UCKL1: variants seen among roughly 807,000 people sequenced by gnomAD.
UCKL1 encodes the protein uridine-cytidine kinase 1 like 1, also known as uridine-cytidine kinase-like 1.
In UCKL1, 65 loss-of-function variants were observed where a neutral mutation model predicts 59.2. The ratio of observed to expected loss-of-function variants is 1.10; its 90% CI spans 0.90 to 1.35. The LOEUF (loss-of-function observed/expected upper bound fraction) is 1.35, where lower values mean the gene tolerates loss of function less well. Ranked by LOEUF, UCKL1 falls within the 40% of genes most tolerant of loss-of-function variation. UCKL1 has a pLI of 0.00. For missense variants in UCKL1, 703 were observed against 784.3 expected (o/e 0.90, Z 1.24); for synonymous variants, 410 against 323.1 (o/e 1.27, Z -2.88).
intron 1 of UCKL1, among the ~76,000 whole-genome samples, chr20:63,950,562 CAA>C (rs1194994148): frequency 2.0e-5 from 3 of 152,236 alleles, no homozygotes; most frequent in East Asian, 1.9e-4. Context: ...GTAACCAACA[CAA>C]GAGAGACGCG....
At chr20:63,946,766 C>T in intron 1 of UCKL1, 123 bp from the exon 2 acceptor site, 2 of 1,025,998 alleles carry the variant, frequency 1.9e-6, no homozygotes, top group Non-Finnish European at 2.8e-6. Flanking sequence ...GGCGGGCAGG[C>T]TCATTGGGGG....
At chr20:63,952,947 C>A (rs1197758445) in intron 1 of UCKL1, among the ~76,000 whole-genome samples, 1 of 152,248 alleles carries the variant, frequency 6.6e-6, no homozygotes, top group Non-Finnish European at 1.5e-5. Context: ...CTGATGTCAT[C>A]GTCAAGAAAT....
chr20:63,950,864 T>A lies in UCKL1; in HGVS notation c.114-4221A>T. ...GGGTGGGTGCTCCTGAACAGCAGAG[T>A]GGCCCCAGGGGTGGATGCGTGGGGG... is the stretch of plus-strand genomic sequence containing the variant. On this transcript the variant is annotated intron_variant, in intron 1 of 14. Transcript: ENST00000354216. The A allele has an allele frequency of 2.7e-6, 4 of 1,476,510 alleles. No homozygotes were observed. In the South Asian group the frequency reaches 5.5e-5, roughly 20 times the overall value. The allele number at this position is 1,476,510 out of a possible 1,614,324, so 91.5% of individuals were successfully genotyped here.
intron 1 of UCKL1, among the ~76,000 whole-genome samples, 160 bp from the exon 2 acceptor site, chr20:63,946,803 CGTGGT>C (rs2056365379): frequency 6.6e-6 from 1 of 151,966 alleles, no homozygotes; most frequent in Non-Finnish European, 1.5e-5. Context: ...CTGGGCTGGG[CGTGGT>C]GGCTCATGCC....
chr20:63,944,616 T>G lies in UCKL1; in HGVS notation c.773A>C (p.Lys258Thr). 2 of 1,613,172 alleles carry G rather than the reference T, an allele frequency of 1.2e-6. No individual in the cohort carries two copies. Among genetic ancestry groups the G allele is most frequent in the Non-Finnish European group, 1.7e-6 (2 of 1,179,886 alleles). Residue 258 changes from lysine to threonine, a missense_variant, in exon 6 of 15, where the codon AAG becomes ACG. Transcript: ENST00000354216. ...CTGGTCGAAGGAGGGCTTGACAAAC[T>G]TGTTGTACTGCTTGATGACACCCTC... Reference protein sequence around the residue: ...DIEGVIKQYNKFVKPSFDQYI... With the variant: ...DIEGVIKQYNTFVKPSFDQYI...
Position 63,956,305 on chromosome 20 carries a change from G to C in UCKL1, c.68C>G (p.Thr23Arg), listed in dbSNP as rs566937266. 1 of 1,563,986 alleles carries C rather than the reference G, an allele frequency of 6.4e-7. No homozygotes were observed. The highest frequency in any genetic ancestry group is 2.6e-5 in the East Asian group (1 of 38,344). The change falls in exon 1 of 15, where the codon ACA becomes AGA. Residue 23 changes from threonine to arginine, a missense_variant. Physicochemically the swap from Thr to Arg is moderately conservative, Grantham distance 71 (BLOSUM62 -1). Around this residue, in one of 4 missense-constraint regions of UCKL1, gnomAD observed 398 missense variants for 373.0 expected, o/e 1.07. Transcript: ENST00000354216. ...GCTTTTCTCAGCCTGCCGGCCTGGT[G>C]TGTCTCGGGCCGTAGGTGGCGACGT... Reference protein sequence around the residue: ...SPTSPPTARDTPGRQAEKSET... With the variant: ...SPTSPPTARDRPGRQAEKSET...
At chr20:63,941,968 C>T (rs1005050003) in intron 8 of UCKL1, among the ~76,000 whole-genome samples, 2 of 149,554 alleles carry the variant, frequency 1.3e-5, no homozygotes, top group Non-Finnish European at 3.0e-5. Flanking sequence ...TTGGGTGTGG[C>T]AGGGCAGAAA....
At chr20:63,951,098 T>C in intron 1 of UCKL1, 1 of 1,171,168 alleles carries the variant, frequency 8.5e-7, no homozygotes, top group East Asian at 4.0e-5. Flanking sequence ...GCACAGCAGC[T>C]AGGAGGCCCT....
Position 63,945,962 on chromosome 20 carries a change from T to C in UCKL1, c.425A>G (p.Gln142Arg). 1 of 1,613,808 alleles carries C rather than the reference T, an allele frequency of 6.2e-7. No homozygotes were observed. Among genetic ancestry groups the C allele is most frequent in the Non-Finnish European group, 8.5e-7 (1 of 1,179,974 alleles). Residue 142 changes from glutamine to arginine, a missense_variant, in exon 4 of 15, where the codon CAG (glutamine) becomes CGG (arginine). Transcript: ENST00000354216. ...GTTGTGTGCGGCCTGTTCCTGCTGC[T>C]GCTCAGTCAGCACCTGGTGGGGGAG... ...MDSFYKVLTE[Q>R]QQEQAAHNNF...
At chr20:63,952,220 G>T (rs1421889481) in intron 1 of UCKL1, among the ~76,000 whole-genome samples, 1 of 152,224 alleles carries the variant, frequency 6.6e-6, no homozygotes. Flanking sequence ...CCGGGCTCCT[G>T]GGGGCCATGC....
At chr20:63,942,447 G>T in intron 8 of UCKL1, 1 of 1,174,036 alleles carries the variant, frequency 8.5e-7, no homozygotes, top group Non-Finnish European at 1.1e-6. Context: ...TCACACAGCA[G>T]CACCACGGAG....
intron 3 of UCKL1, 24 bp downstream of exon 3, chr20:63,946,137 C>T (rs375166238): frequency 8.7e-5 from 140 of 1,610,516 alleles, no homozygotes; most frequent in Middle Eastern, 5.0e-4. Flanking sequence ...AAGGGGTCCT[C>T]GGGGGAGCTG....
chr20:63,948,464 G>GAGAAA (rs1292384455), intron 1 of UCKL1: 1 of 151,158 alleles, frequency 6.6e-6, no homozygotes, highest in Non-Finnish European at 1.5e-5. Flanking sequence ...ATGGTCAGGG[G>GAGAAA]AGAAAAGCAA....
chr20:63,945,929 T>C lies in UCKL1; in HGVS notation c.458A>G (p.Asn153Ser), dbSNP rs968237409. Residue 153 changes from asparagine (N) to serine (S), a missense_variant, in exon 4 of 15, where the codon AAC becomes AGC. Transcript: ENST00000354216. ...GTCAAAGGCATCTGGGTGGTCGAAG[T>C]TGAAGTTGTTGTGTGCGGCCTGTTC... ...QQEQAAHNNF[N>S]FDHPDAFDFD... 16 of 1,613,670 alleles carry C rather than the reference T, an allele frequency of 9.9e-6. No homozygotes were observed. The highest frequency in any genetic ancestry group is 6.7e-5 in the Admixed American group (4 of 59,990).
intron 9 of UCKL1, 24 bp downstream of exon 9, chr20:63,941,086 C>G (rs1229554029): frequency 5.6e-6 from 9 of 1,600,176 alleles, no homozygotes; most frequent in Non-Finnish European, 7.7e-6. Context: ...CCCGGGGCCG[C>G]CCCGTCCCCA....
At chr20:63,942,417 AGGGGCTAC>A in intron 8 of UCKL1, 4 of 1,173,530 alleles carry the variant, frequency 3.4e-6, no homozygotes, top group Non-Finnish European at 4.3e-6. Flanking sequence ...CAGCGGGGCA[AGGGGCTAC>A]GGGAAGGCGG....
chr20:63,948,720 TGA>T (rs1170190502), intron 1 of UCKL1, among the ~76,000 whole-genome samples: 1 of 133,706 alleles, frequency 7.5e-6, no homozygotes, highest in Non-Finnish European at 1.6e-5. Flanking sequence ...GGGGTGTGTG[TGA>T]GAGGGAAGCG....
At chr20:63,942,626 G>T in intron 8 of UCKL1, 1 of 579,554 alleles carries the variant, frequency 1.7e-6, no homozygotes, top group East Asian at 6.4e-5. Flanking sequence ...GGAGGAGTGT[G>T]GGCGGTCAGG....
chr20:63,956,163 C>A (rs888505690), intron 1 of UCKL1, 97 bp downstream of exon 1: 4 of 1,184,976 alleles, frequency 3.4e-6, no homozygotes, highest in Middle Eastern at 2.9e-4. Flanking sequence ...GAGTGGGGGA[C>A]TTGGGCTCGC....
Sources: gnomAD v4.1 joint callset for allele counts (sites outside exome capture counted in the v4.1 genomes callset) on GRCh38, gnomAD v4.1.1 for gene constraint, gnomAD v4.1.1 regional missense constraint, MANE v1.5 for transcripts, NCBI Gene and HGNC (gene_info 2026-07-23, HGNC 2026-07-21) for gene names.